Variants in LGALS9 observed in about 807,000 individuals in gnomAD.
LGALS9 encodes the protein galectin-9.
In LGALS9, 26 loss-of-function variants were observed where a neutral mutation model predicts 35.9. The observed-to-expected ratio is 0.72, with a 90% CI of 0.53 to 1.01. The LOEUF (loss-of-function observed/expected upper bound fraction) is 1.01, where lower values mean the gene tolerates loss of function less well. LGALS9 is among the 50% of genes least tolerant of loss of function. The pLI, the probability that LGALS9 is intolerant of heterozygous loss-of-function variation, is 0.00. For synonymous variants in LGALS9, 149 were observed against 172.2 expected (o/e 0.87, Z 1.06); for missense variants, 347 against 445.8 (o/e 0.78, Z 1.99).
intron 2 of LGALS9, 80 bp from the exon 3 acceptor site, chr17:27,640,492 C>T (rs1403834777): frequency 1.6e-5 from 26 of 1,591,726 alleles, no homozygotes; most frequent in South Asian, 3.3e-5. Flanking sequence ...AAATGCAAAG[C>T]ACAGGCGCCG....
intron 1 of LGALS9, among the ~76,000 whole-genome samples, chr17:27,637,218 G>C (rs4795829): frequency 0.26 from 39,060 of 152,078 alleles, 5,117 homozygotes; most frequent in Admixed American, 0.33. Flanking sequence ...GAATTTTGCT[G>C]AGAGAGATGA....
intron 1 of LGALS9, among the ~76,000 whole-genome samples, chr17:27,637,868 C>CAGCAGCCCCCATTGCTACCTAATTCCTT (rs1342141862): frequency 3.9e-4 from 60 of 152,156 alleles, no homozygotes; most frequent in Non-Finnish European, 6.5e-4. Context: ...GCATGGGGTC[C>CAGCAGCCCCCATTGCTACCTAATTCCTT]AGCAGCCCCC....
chr17:27,636,347 C>G (rs1296564328), intron 1 of LGALS9, among the ~76,000 whole-genome samples: 4 of 152,254 alleles, frequency 2.6e-5, no homozygotes, highest in Admixed American at 6.5e-5. Context: ...ATGATCAACT[C>G]AGGCCTATCT....
chr17:27,631,390 G>A lies in LGALS9; in HGVS notation c.39+86G>A, dbSNP rs546374521. The A allele has an allele frequency of 4.4e-6, 7 of 1,575,578 alleles. No individual in the cohort carries two copies. The African/African-American group carries it at 8.1e-5, about 18-fold the overall frequency. On this transcript the variant is annotated intron_variant, in intron 1 of 10. Transcript: ENST00000395473. ...CTGAGGAAGCAACTCCTGGGTGGCA[G>A]GGGATGGGGGTGGGGGCATCCCAAA...
chr17:27,631,808 T>A lies in LGALS9; in HGVS notation c.39+504T>A, dbSNP rs535491229. ...GGATATGGATTAAGGAAGTAGTGTA[T>A]CTAGTGTGTTTGAACAGTGCCTGAC... On this transcript the variant is annotated intron_variant, in intron 1 of 10. Transcript: ENST00000395473. 3.9e-5 allele frequency among the ~76,000 whole-genome samples: 6 copies of A among 152,092 alleles called. No homozygotes were observed. In the South Asian group the frequency reaches 1.3e-3, roughly 32 times the overall value.
chr17:27,632,819 C>G (rs892014348), intron 1 of LGALS9, among the ~76,000 whole-genome samples: 1 of 152,340 alleles, frequency 6.6e-6, no homozygotes, highest in Non-Finnish European at 1.5e-5. Context: ...CCCTCTACCC[C>G]ACGGGGGCTC....
At chr17:27,641,662 C>CAT (rs1904509568) in intron 3 of LGALS9, among the ~76,000 whole-genome samples, 1 of 152,148 alleles carries the variant, frequency 6.6e-6, no homozygotes, top group African/African-American at 2.4e-5. Context: ...CCTGTACTTG[C>CAT]ACCCTGGAAC....
chr17:27,631,975 G>A (rs1458649895), intron 1 of LGALS9, among the ~76,000 whole-genome samples: 3 of 152,082 alleles, frequency 2.0e-5, no homozygotes, highest in African/African-American at 7.2e-5. Flanking sequence ...TCAGAGGTGA[G>A]AGGGGGGTGA....
At chr17:27,643,103 C>T (rs193018030) in intron 4 of LGALS9, among the ~76,000 whole-genome samples, 2 of 152,170 alleles carry the variant, frequency 1.3e-5, no homozygotes, top group Non-Finnish European at 2.9e-5. Context: ...GATACCAATA[C>T]CATGTGAAAA....
rs1164649703 is a variant in LGALS9 at position 27,645,240 on chromosome 17, G to C, written c.541-74G>C. The C allele has an allele frequency of 3.7e-6, 6 of 1,612,320 alleles. No individual in the cohort carries two copies. In the African/African-American group the frequency reaches 6.7e-5, roughly 18 times the overall value. ...ATTTCTGAGCACAAGAGCCTCCCTG[G>C]AGTTTTGCCACCATCTCCTCCCATT... On this transcript the variant is annotated intron_variant, in intron 5 of 10. Coordinates refer to ENST00000395473, the MANE Select transcript of LGALS9 (RefSeq NM_009587.3).
intron 5 of LGALS9, among the ~76,000 whole-genome samples, 185 bp downstream of exon 5, chr17:27,643,805 C>T (rs922880327): frequency 6.6e-6 from 1 of 152,164 alleles, no homozygotes; most frequent in Non-Finnish European, 1.5e-5. Context: ...CTGGATTCTT[C>T]ACTCCCTCTT....
intron 8 of LGALS9, 28 bp from the exon 9 acceptor site, chr17:27,647,002 G>C: frequency 6.2e-7 from 1 of 1,613,804 alleles, no homozygotes; most frequent in Non-Finnish European, 8.5e-7. Flanking sequence ...TCCGCGTGGT[G>C]GCTGACCTGT....
chr17:27,641,910 C>T (rs1384619167), intron 3 of LGALS9, among the ~76,000 whole-genome samples: 1 of 151,846 alleles, frequency 6.6e-6, no homozygotes, highest in African/African-American at 2.4e-5. Context: ...TGCACTCCAG[C>T]CTGGGCGACA....
intron 1 of LGALS9, among the ~76,000 whole-genome samples, chr17:27,636,920 G>A (rs776756795): frequency 2.0e-5 from 3 of 152,096 alleles, no homozygotes; most frequent in African/African-American, 2.4e-5. Flanking sequence ...TGCTTAGCAC[G>A]GAGTAGATGT....
intron 1 of LGALS9, among the ~76,000 whole-genome samples, chr17:27,635,843 A>G (rs1181499970): frequency 6.6e-6 from 1 of 152,196 alleles, no homozygotes; most frequent in Non-Finnish European, 1.5e-5. Flanking sequence ...TTCCACAGAC[A>G]TGTTTCAGGG....
rs531082359 is a variant in LGALS9, at chr17:27,640,667, C to T, written c.227C>T (p.Thr76Met). 1.7e-5 allele frequency: 27 copies of T among 1,614,184 alleles called. No homozygotes were observed. The East Asian group carries it at 2.7e-4, about 16-fold the overall frequency. The change falls in exon 3 of 11, where the codon ACG (threonine) becomes ATG (methionine). Residue 76 changes from threonine (T) to methionine (M), a missense_variant. Physicochemically the swap from Thr to Met is moderately conservative, Grantham distance 81. Transcript: ENST00000395473. ...GATGGAGGGTACGTGGTGTGCAACA[C>T]GAGGCAGAACGGAAGCTGGGGGCCC... Reference protein sequence around the residue: ...FEDGGYVVCNTRQNGSWGPEE... With the variant: ...FEDGGYVVCNMRQNGSWGPEE...
At chr17:27,635,329 A>G (rs1598178862) in intron 1 of LGALS9, among the ~76,000 whole-genome samples, 1 of 151,996 alleles carries the variant, frequency 6.6e-6, no homozygotes, top group Non-Finnish European at 1.5e-5. Context: ...TGTCCCAGCT[A>G]TTCGGGAGGT....
rs749073191 is a variant in LGALS9 at position 27,640,776 on chromosome 17, G to A, written c.333+3G>A. On this transcript the variant is annotated splice_donor_region_variant and intron_variant, in intron 3 of 10. Transcript: ENST00000395473. ...TGGTGCAGAGCTCAGATTTCAAGGT[G>A]AGCAAGAATCCCCTCCCCACCTCTC... 21 of 1,613,830 alleles carry A rather than the reference G, an allele frequency of 1.3e-5. No homozygotes were observed. The Admixed American group carries it at 3.5e-4, about 27-fold the overall frequency.
chr17:27,649,200 G>A lies in LGALS9; in HGVS notation c.*218G>A. 1.5e-6 allele frequency: 1 copy of A among 687,202 alleles called. No individual in the cohort carries two copies. The highest frequency in any genetic ancestry group is 2.5e-6 in the Non-Finnish European group (1 of 407,372). 42.6% of individuals were successfully genotyped at this position (687,202 alleles called of 1,614,324 possible). ...CTTCCTCAGCCGCAGCAGCACCTGG[G>A]GCTCCAGCTGCTGGAATCCTACCAT... On this transcript the variant is annotated 3_prime_UTR_variant, in exon 11 of 11. Transcript: ENST00000395473.
Sources: gnomAD v4.1 joint callset for allele counts (sites outside exome capture counted in the v4.1 genomes callset) on GRCh38, gnomAD v4.1.1 for gene constraint, MANE v1.5 for transcripts, NCBI Gene and HGNC (gene_info 2026-07-23, HGNC 2026-07-21) for gene names.